The following CDH4 variants were observed in gnomAD, a reference collection of about 807,000 sequenced individuals.
The protein encoded by CDH4 is cadherin-4.
Under a neutral mutation model 86.0 loss-of-function variants are expected in CDH4, and 33 were observed. The observed-to-expected ratio is 0.38, with a 90% CI of 0.29 to 0.51. The LOEUF is 0.51. Ranked by LOEUF, CDH4 falls within the 20% of genes least tolerant of loss-of-function variation. The pLI, the probability that CDH4 is intolerant of heterozygous loss-of-function variation, is 0.86. For synonymous variants in CDH4, 555 were observed against 549.4 expected (o/e 1.01, Z -0.14); for missense variants, 1,114 against 1,307.4 (o/e 0.85, Z 2.28).
chr20:61,288,270 A>G (rs1044929891), intron 2 of CDH4, among the ~76,000 whole-genome samples: 20 of 152,174 alleles, frequency 1.3e-4, no homozygotes, highest in African/African-American at 4.8e-4. Flanking sequence ...GGATTTCTCA[A>G]TCTTCTGGAT....
At chr20:61,499,489 G>A in intron 2 of CDH4, 1 of 1,289,142 alleles carries the variant, frequency 7.8e-7, no homozygotes, top group South Asian at 1.2e-5. Context: ...CTGCTTTAAA[G>A]AAGGCAAGTG....
chr20:61,547,218 T>TC (rs2086094021), intron 2 of CDH4, among the ~76,000 whole-genome samples: 3 of 95,876 alleles, frequency 3.1e-5, no homozygotes, highest in Admixed American at 2.5e-4. Context: ...TTTTTTTTTT[T>TC]TTTTTGCCCC....
chr20:61,632,212 T>C (rs1374245796), intron 2 of CDH4, among the ~76,000 whole-genome samples: 1 of 152,226 alleles, frequency 6.6e-6, no homozygotes, highest in Admixed American at 6.5e-5. Flanking sequence ...GCAGGGCACA[T>C]GCATTCAGTG....
intron 13 of CDH4, 151 bp downstream of exon 13, chr20:61,929,993 C>T: frequency 3.0e-6 from 2 of 658,046 alleles, no homozygotes; most frequent in Non-Finnish European, 5.3e-6. Flanking sequence ...TGCAGCTGAA[C>T]TGGTCCATAT....
At chr20:61,282,547 A>ATGTG (rs71185912) in intron 2 of CDH4, among the ~76,000 whole-genome samples, 4,346 of 130,168 alleles carry the variant, frequency 0.033, 148 homozygotes, top group African/African-American at 0.1. Context: ...GTGTGTGTGC[A>ATGTG]TGTGTGTGTG....
intron 2 of CDH4, among the ~76,000 whole-genome samples, chr20:61,712,231 T>C (rs376262969): frequency 7.9e-5 from 12 of 152,012 alleles, no homozygotes; most frequent in African/African-American, 2.2e-4. Context: ...ATCCGTGTGG[T>C]GGAGTCCTGT....
intron 4 of CDH4, among the ~76,000 whole-genome samples, chr20:61,793,051 C>T (rs1331436790): frequency 2.0e-5 from 3 of 152,122 alleles, no homozygotes; most frequent in Non-Finnish European, 4.4e-5. Context: ...CAACCTCTGC[C>T]TCCTGGGTTC....
chr20:61,757,011 C>T (rs2088573126), intron 3 of CDH4, among the ~76,000 whole-genome samples: 1 of 152,246 alleles, frequency 6.6e-6, no homozygotes, highest in Admixed American at 6.5e-5. Context: ...AAATAAACAG[C>T]AACAGTGCCG....
Position 61,308,139 on chromosome 20 carries a change from G to A in CDH4, c.169+53202G>A, listed in dbSNP as rs1048371142. On this transcript the variant is annotated intron_variant, in intron 2 of 15. Coordinates refer to ENST00000614565, the MANE Select transcript of CDH4 (RefSeq NM_001794.5). ...GGCTGAACCTCACTGCCCAGGGGGC[G>A]GGGGCATGCAAATATTCCTTTCGTC... Among the ~76,000 whole-genome samples the A allele has an allele frequency of 5.9e-5, 9 of 152,336 alleles. No individual in the cohort carries two copies. The East Asian group carries it at 7.7e-4, about 13-fold the overall frequency.
chr20:61,902,422 C>T lies in CDH4; in HGVS notation c.1188+7375C>T, dbSNP rs747683195. Among the ~76,000 whole-genome samples, 23 of 152,260 alleles carry T rather than the reference C, an allele frequency of 1.5e-4. No homozygotes were observed. Among genetic ancestry groups the T allele is most frequent in the Non-Finnish European group, 2.6e-4 (18 of 68,048 alleles). ...GGTCACCACCCCGCAGAACCGCTCCCGTGCTCGTTGCAGGAGTGCAAGGGC... is the reference window on the plus strand; with the variant it reads ...GGTCACCACCCCGCAGAACCGCTCCTGTGCTCGTTGCAGGAGTGCAAGGGC... On this transcript the variant is annotated intron_variant, in intron 8 of 15. Transcript: ENST00000614565. This position sits in a 1 kb window ranked among gnomAD's most constrained non-coding sequence, Gnocchi z 4.6.
chr20:61,770,995 C>CTTTTTTAT lies in CDH4; in HGVS notation c.397-2002_397-2001insATTTTTTT, dbSNP rs1218389605. 2.8e-5 allele frequency among the ~76,000 whole-genome samples: 4 copies of CTTTTTTAT among 144,834 alleles called. No homozygotes were observed. In the East Asian group the frequency reaches 8.0e-4, roughly 29 times the overall value. ...CATTTTCATGTATTTTCTTACATTT[C>CTTTTTTAT]TTTTTTCTTTTTTTCTTTTTTTTTT... On this transcript the variant is annotated intron_variant, in intron 3 of 15. Coordinates refer to ENST00000614565, the MANE Select transcript of CDH4 (RefSeq NM_001794.5).
At position 61,393,831 on chromosome 20, in the gene CDH4, A is replaced by C. The variant is rs1045170583; in HGVS notation, c.169+138894A>C. Among the ~76,000 whole-genome samples, 4 of 152,024 alleles carry C rather than the reference A, an allele frequency of 2.6e-5. No homozygotes were observed. The highest frequency in any genetic ancestry group is 4.4e-5 in the Non-Finnish European group (3 of 67,984). On this transcript the variant is annotated intron_variant, in intron 2 of 15. Transcript: ENST00000614565. This position sits in a 1 kb window ranked among gnomAD's most constrained non-coding sequence, Gnocchi z 4.3. ...TGTGAGAGCTACTGCCACCTTCACC[A>C]CCAAGACAGTTGCACCATGGGCTTC...
chr20:61,868,223 A>G (rs1312284603), intron 6 of CDH4, among the ~76,000 whole-genome samples: 2 of 152,036 alleles, frequency 1.3e-5, no homozygotes, highest in Admixed American at 1.3e-4. Context: ...CCACGCCAGG[A>G]CCCCTTCCCA....
chr20:61,657,827 G>A (rs770897436), intron 2 of CDH4, among the ~76,000 whole-genome samples: 39 of 152,222 alleles, frequency 2.6e-4, no homozygotes, highest in Non-Finnish European at 5.4e-4. Flanking sequence ...ATCCATGTCA[G>A]TAAAATAACC....
chr20:61,597,376 A>G (rs1355150445), intron 2 of CDH4, among the ~76,000 whole-genome samples: 1 of 152,106 alleles, frequency 6.6e-6, no homozygotes, highest in African/African-American at 2.4e-5. Context: ...TGGGGTATAC[A>G]AGGATTGTGC....
At chr20:61,321,760 C>T (rs1373234107) in intron 2 of CDH4, among the ~76,000 whole-genome samples, 2 of 152,138 alleles carry the variant, frequency 1.3e-5, no homozygotes, top group African/African-American at 2.4e-5. Context: ...CACATGATGC[C>T]GTGATCAACA....
chr20:61,831,288 C>G (rs1225515711), intron 4 of CDH4, among the ~76,000 whole-genome samples: 2 of 152,218 alleles, frequency 1.3e-5, no homozygotes, highest in Non-Finnish European at 2.9e-5. Context: ...GATGGGTCCT[C>G]GTGGTGACCA....
intron 2 of CDH4, among the ~76,000 whole-genome samples, chr20:61,545,031 G>C (rs2086067673): frequency 1.3e-5 from 2 of 152,158 alleles, no homozygotes; most frequent in South Asian, 4.1e-4. Flanking sequence ...CCCTGTCCTT[G>C]GGCCCTCTCA....
At chr20:61,541,598 C>T (rs1752232613) in intron 2 of CDH4, among the ~76,000 whole-genome samples, 1 of 152,136 alleles carries the variant, frequency 6.6e-6, no homozygotes, top group African/African-American at 2.4e-5. Flanking sequence ...TAGAAAAGGT[C>T]ATGTTCCCGT....
Sources: allele counts gnomAD v4.1 joint callset (sites outside exome capture counted in the v4.1 genomes callset), GRCh38; gene constraint gnomAD v4.1.1; non-coding constraint Gnocchi (gnomAD v3.1); transcripts MANE v1.5; gene names NCBI Gene and HGNC (gene_info 2026-07-23, HGNC 2026-07-21).